GCNT2: variants seen among roughly 807,000 people sequenced by gnomAD.
GCNT2 encodes the protein glucosaminyl (N-acetyl) transferase 2 (I blood group), also known as N-acetyllactosaminide beta-1,6-N-acetylglucosaminyl-transferase.
In GCNT2, 34 loss-of-function variants were observed where a neutral mutation model predicts 34.2. The observed-to-expected ratio is 1.00, with a 90% CI of 0.76 to 1.32. GCNT2 has a LOEUF of 1.32. GCNT2 is among the 40% of genes most tolerant of loss of function. The pLI, the probability that GCNT2 is intolerant of heterozygous loss-of-function variation, is 0.00. For missense variants in GCNT2, 584 were observed against 489.4 expected, an observed-to-expected ratio of 1.19 and a Z score of -1.82; for synonymous variants, 212 against 188.0, an observed-to-expected ratio of 1.13 and a Z score of -1.04.
rs1024685525 is a variant in GCNT2 at position 10,578,025 on chromosome 6, A to G, written c.926-43326A>G. On this transcript the variant is annotated intron_variant, in intron 3 of 4. Coordinates refer to ENST00000495262, the MANE Select transcript of GCNT2 (RefSeq NM_145649.5). ...TTGTTGTCTTTTCTCTAACTTCTGT[A>G]GTTGATTGACCTCATTCAAGAAATA... Among the ~76,000 whole-genome samples, 42 of 152,032 alleles carry G rather than the reference A, an allele frequency of 2.8e-4. 1 individual carries two copies. Among genetic ancestry groups the G allele is most frequent in the African/African-American group, 9.9e-4 (41 of 41,392 alleles).
At chr6:10,566,824 G>A (rs1294440043) in intron 3 of GCNT2, among the ~76,000 whole-genome samples, 1 of 152,214 alleles carries the variant, frequency 6.6e-6, no homozygotes, top group Non-Finnish European at 1.5e-5. Flanking sequence ...GGGTTTAAAT[G>A]GTGTTGGCCA....
intron 3 of GCNT2, among the ~76,000 whole-genome samples, chr6:10,618,152 T>A (rs1765876161): frequency 6.6e-6 from 1 of 152,216 alleles, no homozygotes; most frequent in South Asian, 2.1e-4. Flanking sequence ...TCCTGCCACT[T>A]TCTGCGCCTC....
intron 3 of GCNT2, among the ~76,000 whole-genome samples, chr6:10,566,418 C>G (rs1763286761): frequency 6.6e-6 from 1 of 152,168 alleles, no homozygotes; most frequent in African/African-American, 2.4e-5. Context: ...CTGCCTCTGC[C>G]TCCCGAGTAG....
At chr6:10,593,106 G>C (rs902066215) in intron 3 of GCNT2, among the ~76,000 whole-genome samples, 1 of 152,150 alleles carries the variant, frequency 6.6e-6, no homozygotes, top group Non-Finnish European at 1.5e-5. Context: ...TTGGATTAAA[G>C]TATATATTAG....
intron 3 of GCNT2, chr6:10,556,605 A>G: frequency 1.2e-6 from 2 of 1,614,200 alleles, no homozygotes; most frequent in Non-Finnish European, 1.7e-6. Flanking sequence ...TTCCTGTGGA[A>G]AAACAAACTA....
chr6:10,550,900 A>G (rs979838206), intron 3 of GCNT2, among the ~76,000 whole-genome samples: 3 of 152,222 alleles, frequency 2.0e-5, no homozygotes, highest in Non-Finnish European at 4.4e-5. Context: ...TTTGCAAACC[A>G]CTAATCAGTA....
At chr6:10,602,843 A>C (rs992560815) in intron 3 of GCNT2, among the ~76,000 whole-genome samples, 4 of 152,210 alleles carry the variant, frequency 2.6e-5, no homozygotes, top group Middle Eastern at 3.2e-3. Context: ...TGGAGTCATT[A>C]AGAACTTTTC....
intron 3 of GCNT2, among the ~76,000 whole-genome samples, chr6:10,600,572 C>T (rs935529167): frequency 2.0e-5 from 3 of 152,118 alleles, no homozygotes; most frequent in Admixed American, 2.0e-4. Flanking sequence ...GTCCCCTTGC[C>T]AAATCCTGAC....
At chr6:10,621,109 A>T (rs9295606) in intron 3 of GCNT2, among the ~76,000 whole-genome samples, 3 of 152,160 alleles carry the variant, frequency 2.0e-5, no homozygotes, top group African/African-American at 7.2e-5. Flanking sequence ...TAGTATATTG[A>T]TTTGTATATT....
At chr6:10,550,779 G>T (rs1260723820) in intron 3 of GCNT2, among the ~76,000 whole-genome samples, 1 of 152,162 alleles carries the variant, frequency 6.6e-6, no homozygotes, top group African/African-American at 2.4e-5. Flanking sequence ...CACCACACTT[G>T]TCAGAAATGT....
At chr6:10,522,175 A>C (rs1440201069) in intron 1 of GCNT2, among the ~76,000 whole-genome samples, 1 of 152,164 alleles carries the variant, frequency 6.6e-6, no homozygotes, top group Non-Finnish European at 1.5e-5. Flanking sequence ...GGCGTGAGCC[A>C]CCGTCCACAG....
At chr6:10,570,840 T>A (rs529546085) in intron 3 of GCNT2, among the ~76,000 whole-genome samples, 4 of 152,304 alleles carry the variant, frequency 2.6e-5, no homozygotes, top group African/African-American at 9.6e-5. Flanking sequence ...GTTTCTTCTC[T>A]CCCAGGATTT....
intron 3 of GCNT2, among the ~76,000 whole-genome samples, chr6:10,599,978 G>T (rs1765026736): frequency 6.6e-6 from 1 of 152,180 alleles, no homozygotes; most frequent in Non-Finnish European, 1.5e-5. Context: ...ATCCTGTGCT[G>T]GGGTTGGAAG....
chr6:10,606,678 TGG>T (rs1765334548), intron 3 of GCNT2, among the ~76,000 whole-genome samples: 1 of 42,470 alleles, frequency 2.4e-5, no homozygotes, highest in African/African-American at 2.3e-4. Context: ...AATTTAATAG[TGG>T]TTGAGAAATT....
chr6:10,584,795 A>T (rs1764269903), intron 3 of GCNT2, among the ~76,000 whole-genome samples: 1 of 152,192 alleles, frequency 6.6e-6, no homozygotes, highest in African/African-American at 2.4e-5. Context: ...CAAGGTTGGG[A>T]CAAAAGTTAC....
chr6:10,589,725 C>T (rs1173466412), intron 3 of GCNT2, among the ~76,000 whole-genome samples: 2 of 152,102 alleles, frequency 1.3e-5, no homozygotes, highest in East Asian at 3.9e-4. Context: ...TACATCTTTC[C>T]AGAGGTACTT....
intron 3 of GCNT2, among the ~76,000 whole-genome samples, chr6:10,587,665 A>G (rs1018825779): frequency 3.9e-5 from 6 of 152,316 alleles, no homozygotes; most frequent in African/African-American, 7.2e-5. Flanking sequence ...AATTTGGGAA[A>G]GCGTCCAAGG....
intron 3 of GCNT2, among the ~76,000 whole-genome samples, chr6:10,612,888 T>C (rs530642137): frequency 5.3e-5 from 8 of 152,344 alleles, no homozygotes; most frequent in Non-Finnish European, 1.0e-4. Flanking sequence ...TTTGAAGATA[T>C]TAAAGGGTCA....
chr6:10,584,555 G>A (rs575026550), intron 3 of GCNT2, among the ~76,000 whole-genome samples: 2 of 152,256 alleles, frequency 1.3e-5, no homozygotes, highest in East Asian at 3.9e-4. Context: ...CCACGAGGCC[G>A]TATCTCAGGT....
Sources: allele counts gnomAD v4.1 joint callset (sites outside exome capture counted in the v4.1 genomes callset), GRCh38; gene constraint gnomAD v4.1.1; transcripts MANE v1.5; gene names NCBI Gene and HGNC (gene_info 2026-07-23, HGNC 2026-07-21).